Variants in CNOT1 observed in about 807,000 individuals in gnomAD.
CNOT1 encodes the protein CCR4-associated factor 1.
CNOT1 carries 15 observed loss-of-function variants against 273.8 expected under a neutral mutation model. The ratio of observed to expected loss-of-function variants is 0.05; its 90% CI spans 0.04 to 0.08. The LOEUF (loss-of-function observed/expected upper bound fraction) is 0.08, where lower values mean the gene tolerates loss of function less well. Among genes scored for constraint, CNOT1 ranks in the 10% least tolerant of loss-of-function variants. CNOT1 has a pLI of 1.00. For synonymous variants in CNOT1, 1,022 were observed against 1,005.5 expected, an observed-to-expected ratio of 1.02 and a Z score of -0.31; for missense variants, 1,644 against 2,912.2, an observed-to-expected ratio of 0.56 and a Z score of 10.02.
At chr16:58,589,125 C>T (rs959628854) in intron 2 of CNOT1, among the ~76,000 whole-genome samples, 3 of 152,138 alleles carry the variant, frequency 2.0e-5, no homozygotes, top group African/African-American at 7.2e-5. Flanking sequence ...TGATCTCCAA[C>T]TCCTGGACTC....
At chr16:58,564,696 G>A (rs182616380) in intron 16 of CNOT1, among the ~76,000 whole-genome samples, 86 of 152,038 alleles carry the variant, frequency 5.7e-4, no homozygotes, top group African/African-American at 1.7e-3. Flanking sequence ...AGAATTGGCC[G>A]GGTGTGGAGG....
chr16:58,536,975 T>C lies in CNOT1; in HGVS notation c.5646+14A>G. The C allele has an allele frequency of 6.2e-7, 1 of 1,613,084 alleles. No individual in the cohort carries two copies. Among genetic ancestry groups the C allele is most frequent in the Non-Finnish European group, 8.5e-7 (1 of 1,179,600 alleles). ...ATGTTGAATAAAAAGCACCTTTCTT[T>C]CCAAAAGCTCTACCTGTCCAACAAA... On this transcript the variant is annotated intron_variant, in intron 39 of 48. Coordinates refer to ENST00000317147, the MANE Select transcript of CNOT1 (RefSeq NM_016284.5).
At chr16:58,598,324 G>A (rs1042964003) in intron 2 of CNOT1, among the ~76,000 whole-genome samples, 2 of 151,454 alleles carry the variant, frequency 1.3e-5, no homozygotes, top group African/African-American at 4.9e-5. Context: ...CTTGAACCTG[G>A]GAGATGGTGG....
At chr16:58,616,339 CAG>C (rs371767976) in intron 1 of CNOT1, among the ~76,000 whole-genome samples, 10,167 of 93,302 alleles carry the variant, frequency 0.11, 1,032 homozygotes, top group Non-Finnish European at 0.16. Flanking sequence ...CTCCTGACCT[CAG>C]GTGATCCACC....
At chr16:58,563,427 C>T (rs2040930638) in intron 16 of CNOT1, among the ~76,000 whole-genome samples, 1 of 152,134 alleles carries the variant, frequency 6.6e-6, no homozygotes, top group Non-Finnish European at 1.5e-5. Flanking sequence ...ACAAAATTGC[C>T]TGATGACACA....
rs201546093 is a variant in CNOT1, at chr16:58,587,174, G to A, written c.433+27C>T. On this transcript the variant is annotated intron_variant, in intron 6 of 48. Coordinates refer to ENST00000317147, the MANE Select transcript of CNOT1 (RefSeq NM_016284.5). ...CCCACGTATTTTAAAGTCTCACTTC[G>A]TGATATTTTTGGAAAAAGTAACTCA... is the stretch of plus-strand genomic sequence containing the variant. The A allele has an allele frequency of 7.0e-5, 113 of 1,608,682 alleles. No individual in the cohort carries two copies. In the Admixed American group the frequency reaches 1.1e-3, roughly 16 times the overall value.
chr16:58,546,599 C>G, intron 28 of CNOT1, 73 bp downstream of exon 28: 1 of 1,611,056 alleles, frequency 6.2e-7, no homozygotes, highest in Non-Finnish European at 8.5e-7. Context: ...CCCCGAAATA[C>G]CCTGCCTTCA....
chr16:58,555,409 A>G lies in CNOT1; in HGVS notation c.2733T>C (p.His911=). 6.2e-7 allele frequency: 1 copy of G among 1,614,220 alleles called. No individual in the cohort carries two copies. The highest frequency in any genetic ancestry group is 8.5e-7 in the Non-Finnish European group (1 of 1,180,042). The change falls in exon 21 of 49, where the codon CAT becomes CAC. Residue 911 remains histidine, a synonymous_variant. Transcript: ENST00000317147. The part of the protein sequence containing the change: ...FFPQYPDKEL[H]ITACLFGGII... Reference sequence around the variant, plus strand: ...TACCACCAAATAGGCAGGCTGTTATATGTAACTCTTTATCAGGATACTGGG... The same window carrying G: ...TACCACCAAATAGGCAGGCTGTTATGTGTAACTCTTTATCAGGATACTGGG...
At chr16:58,544,000 A>T (rs2040175775) in intron 30 of CNOT1, 97 bp from the exon 31 acceptor site, 1 of 1,454,372 alleles carries the variant, frequency 6.9e-7, no homozygotes, top group African/African-American at 1.4e-5. Flanking sequence ...ATCAAGATTA[A>T]CCAAAAACTA....
intron 39 of CNOT1, among the ~76,000 whole-genome samples, chr16:58,536,321 T>C (rs779104432): frequency 1.3e-5 from 2 of 152,202 alleles, no homozygotes; most frequent in Non-Finnish European, 2.9e-5. Flanking sequence ...GGACTTATTG[T>C]GTCTGATTCC....
intron 1 of CNOT1, among the ~76,000 whole-genome samples, chr16:58,610,155 T>A (rs4784052): frequency 6.6e-6 from 1 of 152,142 alleles, no homozygotes; most frequent in African/African-American, 2.4e-5. Flanking sequence ...AGGCGGCTCA[T>A]GCCTATAATC....
At chr16:58,523,651 T>G (rs1359381982) in intron 46 of CNOT1, 149 bp from the exon 47 acceptor site, 7 of 585,268 alleles carry the variant, frequency 1.2e-5, no homozygotes, top group South Asian at 6.7e-5. Context: ...CAAAGAGTTC[T>G]CATTTCTGTG....
At chr16:58,560,053 C>T (rs973692103) in intron 17 of CNOT1, 159 bp downstream of exon 17, 1 of 1,495,302 alleles carries the variant, frequency 6.7e-7, no homozygotes, top group South Asian at 1.3e-5. Flanking sequence ...CTATTGTTAA[C>T]TACAATGCCT....
chr16:58,571,428 C>T (rs1029346795), intron 16 of CNOT1, among the ~76,000 whole-genome samples: 1 of 151,970 alleles, frequency 6.6e-6, no homozygotes, highest in African/African-American at 2.4e-5. Context: ...GAAATGGTGG[C>T]GCACGCCTGT....
chr16:58,568,666 C>T (rs746802939), intron 16 of CNOT1, among the ~76,000 whole-genome samples: 8 of 150,726 alleles, frequency 5.3e-5, no homozygotes, highest in South Asian at 4.2e-4. Context: ...GGCGACAGAG[C>T]GAGACTCCGT....
chr16:58,605,321 G>A (rs1383529598), intron 1 of CNOT1, among the ~76,000 whole-genome samples: 2 of 151,920 alleles, frequency 1.3e-5, no homozygotes, highest in African/African-American at 4.8e-5. Flanking sequence ...TGGCCAACAT[G>A]GTGAAACCCT....
intron 35 of CNOT1, 30 bp downstream of exon 35, chr16:58,539,738 T>C: frequency 6.3e-7 from 1 of 1,580,158 alleles, no homozygotes; most frequent in Non-Finnish European, 8.6e-7. Context: ...ACACCTAGCA[T>C]TTTCTAAAAG....
At chr16:58,578,515 G>A (rs2041545706) in intron 13 of CNOT1, among the ~76,000 whole-genome samples, 184 bp downstream of exon 13, 1 of 150,680 alleles carries the variant, frequency 6.6e-6, no homozygotes, top group African/African-American at 2.4e-5. Flanking sequence ...CCTTGCTTTT[G>A]GGATCTTGTA....
intron 16 of CNOT1, among the ~76,000 whole-genome samples, chr16:58,568,449 GCC>G (rs2041141926): frequency 6.6e-6 from 1 of 151,948 alleles, no homozygotes; most frequent in East Asian, 1.9e-4. Flanking sequence ...ACTTTGGGAG[GCC>G]AAGGCAGGCA....
Sources: allele counts gnomAD v4.1 joint callset (sites outside exome capture counted in the v4.1 genomes callset), GRCh38; gene constraint gnomAD v4.1.1; transcripts MANE v1.5; gene names NCBI Gene and HGNC (gene_info 2026-07-23, HGNC 2026-07-21).